PTPRD: variants seen among roughly 807,000 people sequenced by gnomAD.
PTPRD encodes the protein receptor-type tyrosine-protein phosphatase delta.
PTPRD carries 34 observed loss-of-function variants against 214.5 expected under a neutral mutation model. The ratio of observed to expected loss-of-function variants is 0.16; its 90% CI spans 0.12 to 0.21. The LOEUF is 0.21. Ranked by LOEUF, PTPRD falls within the 10% of genes least tolerant of loss-of-function variation. The pLI is 1.00. For synonymous variants in PTPRD, 1,128 were observed against 845.7 expected (o/e 1.33, Z -5.79); for missense variants, 2,545 against 2,398.7 (o/e 1.06, Z -1.27).
At chr9:9,166,715 GTCT>G (rs2099904906) in intron 10 of PTPRD, among the ~76,000 whole-genome samples, 1 of 152,050 alleles carries the variant, frequency 6.6e-6, no homozygotes, top group Non-Finnish European at 1.5e-5. Context: ...TCCCTCACTG[GTCT>G]TCTTAAAAAC....
At position 9,711,982 on chromosome 9, in the gene PTPRD, G is replaced by T. The variant is rs1335323869; in HGVS notation, c.-287+22551C>A. On this transcript the variant is annotated intron_variant, in intron 7 of 45. Coordinates refer to ENST00000381196, the MANE Select transcript of PTPRD (RefSeq NM_002839.4). Reference sequence around the variant, plus strand: ...CACAAATACTGTCATTCTGATGCATGAATGTACATAATTTTTCCTTTAGCA... The same window carrying T: ...CACAAATACTGTCATTCTGATGCATTAATGTACATAATTTTTCCTTTAGCA... Among the ~76,000 whole-genome samples, 5 of 152,260 alleles carry T rather than the reference G, an allele frequency of 3.3e-5. No homozygotes were observed. The East Asian group carries it at 9.6e-4, about 29-fold the overall frequency.
chr9:8,653,175 G>A (rs1311323009), intron 12 of PTPRD, among the ~76,000 whole-genome samples: 4 of 152,024 alleles, frequency 2.6e-5, no homozygotes, highest in East Asian at 1.9e-4. Context: ...GTTTCAGAGG[G>A]AAAAAGACAA....
At chr9:9,977,310 T>C (rs1387688926) in intron 4 of PTPRD, among the ~76,000 whole-genome samples, 1 of 152,158 alleles carries the variant, frequency 6.6e-6, no homozygotes, top group East Asian at 1.9e-4. Context: ...TAAAACAGTT[T>C]TTGGCACATA....
chr9:9,992,116 G>A (rs994753131), intron 4 of PTPRD, among the ~76,000 whole-genome samples: 1 of 152,176 alleles, frequency 6.6e-6, no homozygotes, highest in Non-Finnish European at 1.5e-5. Context: ...GGACGAGACT[G>A]CTAATGGGTA....
At chr9:9,221,466 T>C (rs1442939472) in intron 9 of PTPRD, among the ~76,000 whole-genome samples, 2 of 152,042 alleles carry the variant, frequency 1.3e-5, no homozygotes, top group African/African-American at 4.8e-5. Context: ...GACAGAAATA[T>C]ATTACCTCAC....
chr9:9,409,298 T>G (rs2074585656), intron 8 of PTPRD, among the ~76,000 whole-genome samples: 1 of 152,020 alleles, frequency 6.6e-6, no homozygotes, highest in Non-Finnish European at 1.5e-5. Context: ...TAATATATCT[T>G]CATCATTGAA....
intron 7 of PTPRD, among the ~76,000 whole-genome samples, chr9:9,600,052 T>A (rs1396897475): frequency 6.6e-6 from 1 of 152,002 alleles, no homozygotes; most frequent in African/African-American, 2.4e-5. Context: ...TGAGTTACAA[T>A]AAATTTTTGA....
chr9:9,628,017 A>C (rs1170648303), intron 7 of PTPRD, among the ~76,000 whole-genome samples: 1 of 152,234 alleles, frequency 6.6e-6, no homozygotes, highest in Non-Finnish European at 1.5e-5. Context: ...CTTCAAAAAT[A>C]TAAGAAACTA....
chr9:8,833,711 TATATACACACACACAC>T (rs2097349282), intron 11 of PTPRD, among the ~76,000 whole-genome samples: 4 of 137,568 alleles, frequency 2.9e-5, no homozygotes, highest in South Asian at 2.4e-4. Flanking sequence ...TATATATATA[TATATACACACACACAC>T]ACACACACAC....
intron 5 of PTPRD, among the ~76,000 whole-genome samples, chr9:9,844,121 T>C (rs909690211): frequency 6.6e-6 from 1 of 152,026 alleles, no homozygotes; most frequent in Non-Finnish European, 1.5e-5. Flanking sequence ...AAAGTAGCAA[T>C]TGATTTTTTT....
chr9:8,829,444 T>G (rs2097242003), intron 11 of PTPRD, among the ~76,000 whole-genome samples: 11 of 152,236 alleles, frequency 7.2e-5, no homozygotes, highest in Admixed American at 7.2e-4. Flanking sequence ...ATTTATCATT[T>G]TGTGCATACA....
chr9:10,050,239 C>T (rs938028472), intron 3 of PTPRD, among the ~76,000 whole-genome samples: 1 of 151,728 alleles, frequency 6.6e-6, no homozygotes, highest in Non-Finnish European at 1.5e-5. Context: ...CTTGGCCATA[C>T]TTGCAGGCTG....
chr9:9,584,814 C>T (rs1329605512), intron 7 of PTPRD, among the ~76,000 whole-genome samples: 1 of 151,958 alleles, frequency 6.6e-6, no homozygotes, highest in African/African-American at 2.4e-5. Context: ...AGGCTTATCT[C>T]TCTGGAGAAC....
At chr9:9,824,102 A>G (rs2051798051) in intron 5 of PTPRD, among the ~76,000 whole-genome samples, 1 of 152,010 alleles carries the variant, frequency 6.6e-6, no homozygotes, top group African/African-American at 2.4e-5. Flanking sequence ...CAGTCTATAA[A>G]GCATATAAGA....
At chr9:10,584,901 A>T (rs1490015099) in intron 2 of PTPRD, among the ~76,000 whole-genome samples, 1 of 152,168 alleles carries the variant, frequency 6.6e-6, no homozygotes, top group Non-Finnish European at 1.5e-5. Context: ...CAACATTCAT[A>T]TGTTAGATGC....
chr9:9,719,920 G>A (rs573478968), intron 7 of PTPRD, among the ~76,000 whole-genome samples: 1 of 152,280 alleles, frequency 6.6e-6, no homozygotes, highest in South Asian at 2.1e-4. Flanking sequence ...TGCCAGCGCT[G>A]CTCAAGTAGC....
intron 5 of PTPRD, among the ~76,000 whole-genome samples, chr9:9,845,982 G>T (rs1305763548): frequency 6.6e-6 from 1 of 151,996 alleles, no homozygotes; most frequent in Non-Finnish European, 1.5e-5. Flanking sequence ...ACCAACAACT[G>T]GGAGGAACTA....
At chr9:9,624,628 G>A (rs539205342) in intron 7 of PTPRD, among the ~76,000 whole-genome samples, 2 of 151,950 alleles carry the variant, frequency 1.3e-5, no homozygotes, top group Middle Eastern at 3.4e-3. Context: ...TAACTATTTT[G>A]TAACTGTCAA....
chr9:9,535,978 A>G (rs828823), intron 8 of PTPRD, among the ~76,000 whole-genome samples: 149,906 of 152,124 alleles, frequency 0.99, 73,899 homozygotes, highest in Middle Eastern at 1. Flanking sequence ...CTTGTTCCTA[A>G]CCAAGAAAGG....
Sources: gnomAD v4.1 joint callset for allele counts (sites outside exome capture counted in the v4.1 genomes callset) on GRCh38, gnomAD v4.1.1 for gene constraint, MANE v1.5 for transcripts, NCBI Gene and HGNC (gene_info 2026-07-23, HGNC 2026-07-21) for gene names.